MAP2: variants seen among roughly 807,000 people sequenced by gnomAD.
MAP2 encodes microtubule associated protein 2.
Under a neutral mutation model 137.6 loss-of-function variants are expected in MAP2, and 14 were observed. The observed-to-expected ratio is 0.10, with a 90% CI of 0.07 to 0.16. MAP2 has a LOEUF of 0.16. MAP2 is among the 10% of genes least tolerant of loss of function. MAP2 has a pLI of 1.00. For synonymous variants in MAP2, 786 were observed against 782.3 expected, an observed-to-expected ratio of 1.00 and a Z score of -0.08; for missense variants, 2,088 against 2,191.5, an observed-to-expected ratio of 0.95 and a Z score of 0.94.
At chr2:209,568,101 C>T in intron 2 of MAP2, among the ~76,000 whole-genome samples, 1 of 152,012 alleles carries the variant, frequency 6.6e-6, no homozygotes, top group Middle Eastern at 3.4e-3. Flanking sequence ...TAAATAAATA[C>T]CTGCATAGAT....
Position 209,671,742 on chromosome 2 carries a change from T to C in MAP2, c.263-6830T>C, listed in dbSNP as rs2048915682. On this transcript the variant is annotated intron_variant, in intron 5 of 15. Transcript: ENST00000682079. ...CTTTTCTCTAACAACCTGAAAGAAATCAACAAAAATATGTTCTCAAGCATA... is the reference window on the plus strand; with the variant it reads ...CTTTTCTCTAACAACCTGAAAGAAACCAACAAAAATATGTTCTCAAGCATA... Among the ~76,000 whole-genome samples, 2 of 151,870 alleles carry C rather than the reference T, an allele frequency of 1.3e-5. 1 individual carries two copies. The highest frequency in any genetic ancestry group is 4.1e-4 in the South Asian group (2 of 4,830).
chr2:209,729,101 A>C (rs917506894), intron 14 of MAP2, among the ~76,000 whole-genome samples: 2 of 152,190 alleles, frequency 1.3e-5, no homozygotes, highest in Non-Finnish European at 2.9e-5. Flanking sequence ...TACACTGAAG[A>C]GTGCAGCATG....
intron 2 of MAP2, among the ~76,000 whole-genome samples, chr2:209,574,648 T>G (rs2075013806): frequency 6.6e-6 from 1 of 152,236 alleles, no homozygotes; most frequent in Non-Finnish European, 1.5e-5. Flanking sequence ...AAATTGGCAT[T>G]TTGTAGGTAA....
intron 2 of MAP2, among the ~76,000 whole-genome samples, chr2:209,574,462 G>C (rs201672271): frequency 4.1e-4 from 56 of 136,792 alleles, no homozygotes; most frequent in African/African-American, 1.5e-3. Context: ...CACACACACA[G>C]ACACAGAGAT....
intron 1 of MAP2, among the ~76,000 whole-genome samples, chr2:209,486,390 G>GT (rs1235124610): frequency 6.6e-6 from 1 of 151,916 alleles, no homozygotes; most frequent in East Asian, 1.9e-4. Context: ...TGCCCAGCTA[G>GT]TTTTTTGTAT....
At chr2:209,537,219 TATTTTTTGTATCTGTTA>T (rs2066108085) in intron 2 of MAP2, among the ~76,000 whole-genome samples, 1 of 152,222 alleles carries the variant, frequency 6.6e-6, no homozygotes, top group Non-Finnish European at 1.5e-5. Context: ...ACTTTTAAAT[TATTTTTTGTATCTGTTA>T]TGGTGATCTG....
At chr2:209,474,497 C>A (rs1333342263) in intron 1 of MAP2, among the ~76,000 whole-genome samples, 1 of 152,016 alleles carries the variant, frequency 6.6e-6, no homozygotes, top group East Asian at 1.9e-4. Flanking sequence ...TGGTTTCTGA[C>A]AAATAGTATT....
chr2:209,557,885 G>A (rs980200946), intron 2 of MAP2, among the ~76,000 whole-genome samples: 3 of 152,284 alleles, frequency 2.0e-5, no homozygotes, highest in South Asian at 2.1e-4. Context: ...AAAACTCATC[G>A]CAGAGCTGAG....
intron 12 of MAP2, among the ~76,000 whole-genome samples, chr2:209,709,672 G>GA (rs533661773): frequency 2.1e-4 from 31 of 148,774 alleles, no homozygotes; most frequent in African/African-American, 2.7e-4. Context: ...GAACAAATCA[G>GA]AAAAAAAAAA....
At chr2:209,487,719 T>C (rs2058561691) in intron 1 of MAP2, among the ~76,000 whole-genome samples, 1 of 152,242 alleles carries the variant, frequency 6.6e-6, no homozygotes, top group Non-Finnish European at 1.5e-5. Context: ...TGCAGATTCA[T>C]CACTCAACTC....
At chr2:209,714,041 A>G (rs2066524011) in intron 13 of MAP2, among the ~76,000 whole-genome samples, 1 of 151,852 alleles carries the variant, frequency 6.6e-6, no homozygotes, top group Admixed American at 6.6e-5. Context: ...AAAGTACAAA[A>G]AAAAAAGAAA....
intron 3 of MAP2, among the ~76,000 whole-genome samples, chr2:209,584,980 G>C (rs952592372): frequency 3.3e-5 from 5 of 152,076 alleles, no homozygotes; most frequent in Non-Finnish European, 7.4e-5. Context: ...AAAATGCCTA[G>C]TACATAGCAG....
rs1334364138 is a variant in MAP2, at chr2:209,710,055, C to A, written c.4874C>A (p.Thr1625Asn). Reference protein sequence around the residue: ...GTPGTPSYPRTPHTPGTPKSA... With the variant: ...GTPGTPSYPRNPHTPGTPKSA... ...CCTGGAACCCCTAGCTATCCCAGGA[C>A]CCCTCACACACCAGGAACCCCCAAG... The change falls in exon 13 of 16, where the codon ACC (threonine) becomes AAC (asparagine). Residue 1625 changes from threonine to asparagine, a missense_variant. Coordinates refer to ENST00000682079, the MANE Select transcript of MAP2 (RefSeq NM_001375505.1). 1.9e-6 allele frequency: 3 copies of A among 1,614,056 alleles called. No homozygotes were observed. The Admixed American group carries it at 5.0e-5, about 27-fold the overall frequency.
At chr2:209,479,772 A>C (rs908570124) in intron 1 of MAP2, among the ~76,000 whole-genome samples, 1 of 152,192 alleles carries the variant, frequency 6.6e-6, no homozygotes, top group Admixed American at 6.5e-5. Context: ...GTGTCAAATA[A>C]AAATTTAAAG....
rs1232117058 is a variant in MAP2, at chr2:209,731,393, C to A, written c.*996C>A. ...AGTTGCTTTCTGTAACAACTCAAAG[C>A]CGTAACCCTGTTTTAGTGCCAGATA... On this transcript the variant is annotated 3_prime_UTR_variant, in exon 16 of 16. Transcript: ENST00000682079. The A allele has an allele frequency of 6.6e-6, 1 of 152,420 alleles. No homozygotes were observed. Among genetic ancestry groups the A allele is most frequent in the Non-Finnish European group, 1.5e-5 (1 of 68,020 alleles). The allele number at this position is 152,420 out of a possible 1,614,324, so 9.4% of individuals were successfully genotyped here.
chr2:209,555,969 G>C (rs978372957), intron 2 of MAP2, among the ~76,000 whole-genome samples: 1 of 150,018 alleles, frequency 6.7e-6, no homozygotes, highest in Non-Finnish European at 1.5e-5. Context: ...TGGAAAAGCT[G>C]GATTTTCTGC....
chr2:209,694,653 T>C lies in MAP2; in HGVS notation c.2483T>C (p.Val828Ala). Residue 828 changes from valine to alanine, a missense_variant, in exon 8 of 16, where the codon GTT (valine) becomes GCT (alanine). Transcript: ENST00000682079. ...RLASVSADAE[V>A]ARRKSVPSET... The stretch of plus-strand genomic sequence containing the variant: ...GCTTCTGTGAGTGCAGATGCTGAGG[T>C]TGCCAGGAGGAAATCAGTCCCATCA... 2 of 1,614,082 alleles carry C rather than the reference T, an allele frequency of 1.2e-6. No homozygotes were observed. The highest frequency in any genetic ancestry group is 1.1e-5 in the South Asian group (1 of 91,080).
intron 2 of MAP2, among the ~76,000 whole-genome samples, chr2:209,509,800 A>G (rs1338027223): frequency 6.6e-6 from 1 of 151,948 alleles, no homozygotes; most frequent in Non-Finnish European, 1.5e-5. Flanking sequence ...CGATAGGGGT[A>G]TATAAAATAG....
chr2:209,694,763 G>C lies in MAP2; in HGVS notation c.2593G>C (p.Glu865Gln), dbSNP rs188844755. The change falls in exon 8 of 16, where the codon GAA becomes CAA. Residue 865 changes from glutamate (E) to glutamine (Q), a missense_variant. Glu to Gln is a conservative substitution (Grantham distance 29, BLOSUM62 2). Around this residue, in one of 6 missense-constraint regions of MAP2, gnomAD observed 500 missense variants for 482.9 expected, o/e 1.04. Transcript: ENST00000682079. Reference sequence around the variant, plus strand: ...CATTGTAAAAACGGACAGTCAGCTCGAAGACCTGGGCTACTGTGTGTTCAA... The same window carrying C: ...CATTGTAAAAACGGACAGTCAGCTCCAAGACCTGGGCTACTGTGTGTTCAA... ...HVIVKTDSQL[E>Q]DLGYCVFNKY... 5.0e-6 allele frequency: 8 copies of C among 1,614,014 alleles called. No homozygotes were observed. The African/African-American group carries it at 9.3e-5, about 19-fold the overall frequency.
Sources: allele counts gnomAD v4.1 joint callset (sites outside exome capture counted in the v4.1 genomes callset), GRCh38; gene constraint gnomAD v4.1.1; regional missense constraint gnomAD v4.1.1; transcripts MANE v1.5; gene names NCBI Gene and HGNC (gene_info 2026-07-23, HGNC 2026-07-21).